Variants in TEX14 observed in about 807,000 individuals in gnomAD.
The protein encoded by TEX14 is inactive serine/threonine-protein kinase TEX14.
In TEX14, 168 loss-of-function variants were observed where a neutral mutation model predicts 178.6. That is an observed-to-expected ratio of 0.94 (90% CI 0.83 to 1.07). TEX14 has a LOEUF of 1.07. Ranked by LOEUF, TEX14 falls within the 50% of genes least tolerant of loss-of-function variation. The probability of loss-of-function intolerance (pLI) is 0.00; values close to 1 mark genes in which losing one functional copy is unlikely to be tolerated. For missense variants in TEX14, 1,730 were observed against 1,753.6 expected (o/e 0.99, Z 0.24); for synonymous variants, 626 against 634.1 (o/e 0.99, Z 0.19).
chr17:58,634,423 A>C (rs1220577356), intron 2 of TEX14, among the ~76,000 whole-genome samples: 2 of 152,176 alleles, frequency 1.3e-5, no homozygotes, highest in Non-Finnish European at 2.9e-5. Flanking sequence ...AAATTAAAAA[A>C]CAAAGAAAGA....
At chr17:58,602,374 A>G (rs200710009) in intron 12 of TEX14, 26 bp downstream of exon 12, 1 of 1,583,284 alleles carries the variant, frequency 6.3e-7, no homozygotes, top group Admixed American at 1.8e-5. Flanking sequence ...AAGCAGAAAT[A>G]AACTCCCAAC....
At chr17:58,660,758 A>G (rs1567764482) in intron 1 of TEX14, 2 of 780,962 alleles carry the variant, frequency 2.6e-6, no homozygotes, top group Non-Finnish European at 4.8e-6. Context: ...ATCTGGTAAC[A>G]CTCCATGTTT....
chr17:58,621,584 T>C, intron 5 of TEX14, 66 bp downstream of exon 5: 1 of 1,515,506 alleles, frequency 6.6e-7, no homozygotes, highest in Non-Finnish European at 8.9e-7. Flanking sequence ...CAACCCATGC[T>C]GCAGGGCTCC....
chr17:58,580,714 T>C (rs2044792224), intron 19 of TEX14, among the ~76,000 whole-genome samples: 1 of 152,166 alleles, frequency 6.6e-6, no homozygotes, highest in Non-Finnish European at 1.5e-5. Context: ...AGGTGCCAGG[T>C]TAGCAGGGAG....
chr17:58,574,198 T>A lies in TEX14; in HGVS notation c.3372A>T (p.Lys1124Asn). Residue 1124 changes from lysine (K) to asparagine (N), a missense_variant, in exon 22 of 32, where the codon AAA becomes AAT. Physicochemically the swap from Lys to Asn is moderately conservative, Grantham distance 94. This residue lies in a region of TEX14 where 941 missense variants were observed against 1,072.4 expected (regional missense o/e 0.88). Transcript: ENST00000349033. ...TTTGGTGATCATACATGTCTTTCTCTTTCAGTTCCTTTGGTGACTCCTTTG... is the reference window on the plus strand; with the variant it reads ...TTTGGTGATCATACATGTCTTTCTCATTCAGTTCCTTTGGTGACTCCTTTG... ...ETSKESPKEL[K>N]EKDISLTDIQ... is the part of the protein sequence containing the mutation. 1 of 1,613,368 alleles carries A rather than the reference T, an allele frequency of 6.2e-7. No homozygotes were observed. Among genetic ancestry groups the A allele is most frequent in the Non-Finnish European group, 8.5e-7 (1 of 1,179,336 alleles).
chr17:58,614,776 G>T (rs1397944376), intron 8 of TEX14, among the ~76,000 whole-genome samples: 1 of 152,212 alleles, frequency 6.6e-6, no homozygotes, highest in Non-Finnish European at 1.5e-5. Flanking sequence ...TGGAGCCATA[G>T]GAACCCTAAG....
intron 1 of TEX14, among the ~76,000 whole-genome samples, chr17:58,684,172 C>T (rs961930087): frequency 2.0e-5 from 3 of 150,976 alleles, no homozygotes; most frequent in Non-Finnish European, 4.4e-5. Flanking sequence ...AAAAAAAATG[C>T]TTCCGCCCGG....
Position 58,602,644 on chromosome 17 carries a change from G to C in TEX14, c.1337-54C>G, listed in dbSNP as rs962985300. The C allele has an allele frequency of 3.6e-5, 52 of 1,434,960 alleles. 1 individual carries two copies. The highest frequency in any genetic ancestry group is 1.9e-4 in the Admixed American group (9 of 48,420). 88.9% of individuals were successfully genotyped at this position (1,434,960 alleles called of 1,614,324 possible). A position where few individuals can be genotyped will look rare whatever the true frequency, so the allele number is the denominator to read the frequency against. ...AAATTAGGAAACCAAAGAGTGGAGT[G>C]GGGGGAAAAGAAATCAGATGAAGCT... On this transcript the variant is annotated intron_variant, in intron 11 of 31. Coordinates refer to ENST00000349033, the MANE Select transcript of TEX14 (RefSeq NM_031272.5).
chr17:58,653,530 T>G (rs2046882675), intron 1 of TEX14, among the ~76,000 whole-genome samples: 1 of 152,170 alleles, frequency 6.6e-6, no homozygotes, highest in South Asian at 2.1e-4. Context: ...GGGGCACCAC[T>G]CTCATGAATG....
At chr17:58,647,009 G>C (rs935514825) in intron 2 of TEX14, among the ~76,000 whole-genome samples, 26 of 151,446 alleles carry the variant, frequency 1.7e-4, no homozygotes, top group Non-Finnish European at 2.9e-4. Flanking sequence ...GAGTTCAAGC[G>C]ATTCTCCTGC....
intron 1 of TEX14, among the ~76,000 whole-genome samples, chr17:58,658,091 A>C (rs2047006992): frequency 1.3e-5 from 2 of 151,722 alleles, no homozygotes; most frequent in Admixed American, 6.6e-5. Flanking sequence ...ACCAATTAGC[A>C]CTCCTGGCTC....
intron 3 of TEX14, among the ~76,000 whole-genome samples, chr17:58,628,367 A>G (rs2046198244): frequency 6.6e-6 from 1 of 152,002 alleles, no homozygotes; most frequent in Admixed American, 6.6e-5. Flanking sequence ...CCATGAGGTC[A>G]AGAGTTCGAG....
At chr17:58,577,122 T>C (rs141668823) in intron 21 of TEX14, among the ~76,000 whole-genome samples, 128 of 152,314 alleles carry the variant, frequency 8.4e-4, no homozygotes, top group African/African-American at 2.8e-3. Flanking sequence ...GATGGGAAAA[T>C]AGAATAGAGG....
intron 2 of TEX14, among the ~76,000 whole-genome samples, chr17:58,649,704 C>T (rs1444342475): frequency 1.3e-5 from 2 of 152,272 alleles, no homozygotes; most frequent in Non-Finnish European, 2.9e-5. Context: ...TCTATCCACA[C>T]CATTCACTGT....
chr17:58,566,502 A>G (rs2044401302), intron 26 of TEX14, among the ~76,000 whole-genome samples: 1 of 152,214 alleles, frequency 6.6e-6, no homozygotes, highest in South Asian at 2.1e-4. Context: ...CTGGTTTATG[A>G]AAAGACAGAA....
At position 58,573,277 on chromosome 17, in the gene TEX14, T is replaced by C. The variant is rs2044585254; in HGVS notation, c.3415A>G (p.Ile1139Val). 4.3e-6 allele frequency: 7 copies of C among 1,613,216 alleles called. No individual in the cohort carries two copies. Among genetic ancestry groups the C allele is most frequent in the Admixed American group, 1.7e-5 (1 of 59,992 alleles). ...SLTDIQDLSS[I>V]SYEPDSSFKE... is the part of the protein sequence containing the mutation. ...AAAGAGCTGTCTGGTTCATAGGAGA[T>C]ACTAGACAGGTCTTGAATATCCGTC... The change falls in exon 23 of 32, where the codon ATC (isoleucine) becomes GTC (valine). Residue 1139 changes from isoleucine to valine, a missense_variant. This residue lies in a region of TEX14 where 941 missense variants were observed against 1,072.4 expected (regional missense o/e 0.88). Transcript: ENST00000349033.
At position 58,585,852 on chromosome 17, in the gene TEX14, C is replaced by T. The variant is rs775058105; in HGVS notation, c.3019G>A (p.Asp1007Asn). 1.2e-6 allele frequency: 2 copies of T among 1,614,046 alleles called. No individual in the cohort carries two copies. The highest frequency in any genetic ancestry group is 8.5e-7 in the Non-Finnish European group (1 of 1,180,008). The change falls in exon 18 of 32, where the codon GAC becomes AAC. Residue 1007 changes from aspartate (D) to asparagine (N), a missense_variant. Transcript: ENST00000349033. ...NGKFDKTGNN[D>N]CDSDQHGRQP... The stretch of plus-strand genomic sequence containing the variant: ...CTGCCATGCTGGTCACTGTCACAGT[C>T]ATTGTTGCCCGTCTTGTCAAACTTG...
chr17:58,576,850 A>G (rs1489152410), intron 21 of TEX14, among the ~76,000 whole-genome samples: 1 of 152,198 alleles, frequency 6.6e-6, no homozygotes, highest in Non-Finnish European at 1.5e-5. Context: ...GCATGTATCA[A>G]TAGTTTATTT....
At chr17:58,661,478 T>C (rs752389047) in intron 1 of TEX14, 22 of 781,974 alleles carry the variant, frequency 2.8e-5, no homozygotes, top group Non-Finnish European at 4.8e-5. Context: ...CACCTTTTCC[T>C]GGACTATTCG....
Sources: gnomAD v4.1 joint callset for allele counts (sites outside exome capture counted in the v4.1 genomes callset) on GRCh38, gnomAD v4.1.1 for gene constraint, gnomAD v4.1.1 regional missense constraint, MANE v1.5 for transcripts, NCBI Gene and HGNC (gene_info 2026-07-23, HGNC 2026-07-21) for gene names.